TRPC4AP: variants seen among roughly 807,000 people sequenced by gnomAD.
TRPC4AP encodes short transient receptor potential channel 4-associated protein.
Under a neutral mutation model 99.0 loss-of-function variants are expected in TRPC4AP, and 45 were observed. The observed-to-expected ratio is 0.45, with a 90% confidence interval of 0.36 to 0.58. TRPC4AP has a LOEUF of 0.58. TRPC4AP is among the 20% of genes least tolerant of loss of function. The pLI is 0.00. For missense variants in TRPC4AP, 879 were observed against 985.3 expected (o/e 0.89, Z 1.44); for synonymous variants, 408 against 385.8 (o/e 1.06, Z -0.67).
In TRPC4AP at chr20:35,002,980, C is replaced by T; in HGVS notation, c.*166G>A. ...TCTCCATGACCTAGGGCCCTCAGAC[C>T]CAGGGGGACCAAGGGCTTCTAGGAC... On this transcript the variant is annotated 3_prime_UTR_variant, in exon 19 of 19. Coordinates refer to ENST00000252015, the MANE Select transcript of TRPC4AP (RefSeq NM_015638.3). 1.1e-6 allele frequency: 1 copy of T among 935,606 alleles called. No homozygotes were observed. Among genetic ancestry groups the T allele is most frequent in the Non-Finnish European group, 1.6e-6 (1 of 632,964 alleles). 58.0% of individuals were successfully genotyped at this position (935,606 alleles called of 1,614,324 possible). A position where few individuals can be genotyped will look rare whatever the true frequency, so the allele number is the denominator to read the frequency against.
At chr20:35,023,256 G>A (rs2082937730) in intron 8 of TRPC4AP, among the ~76,000 whole-genome samples, 1 of 152,114 alleles carries the variant, frequency 6.6e-6, no homozygotes, top group South Asian at 2.1e-4. Context: ...ACCTCTCTGT[G>A]CTTCAGTATC....
chr20:35,002,558 A>T lies in TRPC4AP; in HGVS notation c.*588T>A. On this transcript the variant is annotated 3_prime_UTR_variant, in exon 19 of 19. Coordinates refer to ENST00000252015, the MANE Select transcript of TRPC4AP (RefSeq NM_015638.3). Reference sequence around the variant, plus strand: ...GCAGGCACAGCTGCCCCGTGCCCCAAGGGATGGAGGGAAAGGCCCCTCACT... The same window carrying T: ...GCAGGCACAGCTGCCCCGTGCCCCATGGGATGGAGGGAAAGGCCCCTCACT... The T allele has an allele frequency of 4.9e-6, 1 of 204,256 alleles. No homozygotes were observed. The allele number at this position is 204,256 out of a possible 1,614,324, so 12.7% of individuals were successfully genotyped here.
At position 35,026,320 on chromosome 20, in the gene TRPC4AP, C is replaced by T. The variant is rs1444228198; in HGVS notation, c.1052-4964G>A. Among the ~76,000 whole-genome samples, 3 of 151,580 alleles carry T rather than the reference C, an allele frequency of 2.0e-5. No individual in the cohort carries two copies. In the East Asian group the frequency reaches 5.8e-4, roughly 29 times the overall value. On this transcript the variant is annotated intron_variant, in intron 8 of 18. Coordinates refer to ENST00000252015, the MANE Select transcript of TRPC4AP (RefSeq NM_015638.3). ...GCCTCAAACTCCTGGGCTCAAGCTA[C>T]CCTCCCACCTCAGCCTCTTGAGTAG... is the stretch of plus-strand genomic sequence containing the variant.
intron 3 of TRPC4AP, among the ~76,000 whole-genome samples, chr20:35,061,796 G>C (rs2084015420): frequency 6.6e-6 from 1 of 152,110 alleles, no homozygotes; most frequent in South Asian, 2.1e-4. Flanking sequence ...CCTTGGATTA[G>C]GAAATGGTTT....
chr20:35,029,105 A>G (rs1421027939), intron 8 of TRPC4AP, among the ~76,000 whole-genome samples: 1 of 152,078 alleles, frequency 6.6e-6, no homozygotes, highest in African/African-American at 2.4e-5. Context: ...CACAAAAATG[A>G]GCTGGGCGTG....
chr20:35,086,019 T>C (rs1195946612), intron 1 of TRPC4AP, among the ~76,000 whole-genome samples: 1 of 151,904 alleles, frequency 6.6e-6, no homozygotes, highest in Non-Finnish European at 1.5e-5. Context: ...GCTCAAGTGA[T>C]CCTCCCACCT....
At chr20:35,005,398 C>T (rs1453726900) in intron 16 of TRPC4AP, among the ~76,000 whole-genome samples, 1 of 152,246 alleles carries the variant, frequency 6.6e-6, no homozygotes, top group Admixed American at 6.5e-5. Context: ...CGATGCCACG[C>T]ACAGCACACT....
intron 3 of TRPC4AP, among the ~76,000 whole-genome samples, chr20:35,065,155 G>C (rs769049479): frequency 2.6e-5 from 4 of 152,188 alleles, no homozygotes; most frequent in Non-Finnish European, 4.4e-5. Context: ...GTGAATAAAA[G>C]TTCCTGAATG....
intron 5 of TRPC4AP, among the ~76,000 whole-genome samples, chr20:35,052,443 T>C (rs2147382710): frequency 6.6e-6 from 1 of 152,242 alleles, no homozygotes; most frequent in Non-Finnish European, 1.5e-5. Context: ...AATGAGGAGC[T>C]ACAAACTAGC....
intron 17 of TRPC4AP, among the ~76,000 whole-genome samples, chr20:35,004,094 GA>G (rs1304579362): frequency 6.6e-6 from 1 of 152,190 alleles, no homozygotes; most frequent in Non-Finnish European, 1.5e-5. Context: ...CCTCACTCTA[GA>G]AAAGAGGGGC....
rs75377266 is a variant in TRPC4AP at position 35,068,980 on chromosome 20, A to C, written c.414+316T>G. ...ACACACACACACACACACACACACA[A>C]AAAAAACAAAACATCTTAAGCAGGA... On this transcript the variant is annotated intron_variant, in intron 3 of 18. Coordinates refer to ENST00000252015, the MANE Select transcript of TRPC4AP (RefSeq NM_015638.3). 0.038 allele frequency among the ~76,000 whole-genome samples: 2,753 copies of C among 71,530 alleles called. 144 individuals carry two copies. In the East Asian group the frequency reaches 0.46, roughly 12 times the overall value. 46.9% of individuals were successfully genotyped at this position (71,530 alleles called of 152,430 possible).
intron 9 of TRPC4AP, among the ~76,000 whole-genome samples, chr20:35,020,292 AC>A (rs1477712251): frequency 6.6e-6 from 1 of 151,896 alleles, no homozygotes; most frequent in Non-Finnish European, 1.5e-5. Context: ...TTCTCACTTC[AC>A]TCAGAGTAAA....
At chr20:35,023,820 C>T (rs1180852111) in intron 8 of TRPC4AP, among the ~76,000 whole-genome samples, 1 of 152,254 alleles carries the variant, frequency 6.6e-6, no homozygotes, top group Admixed American at 6.5e-5. Flanking sequence ...GTGGGGCACA[C>T]AAGTCCTACT....
At chr20:35,033,310 G>A (rs949789774) in intron 8 of TRPC4AP, among the ~76,000 whole-genome samples, 4 of 152,128 alleles carry the variant, frequency 2.6e-5, no homozygotes, top group African/African-American at 4.8e-5. Context: ...GACTATTTTC[G>A]TAAAGTCTCC....
chr20:35,060,577 C>T (rs1446916161), intron 3 of TRPC4AP, among the ~76,000 whole-genome samples: 1 of 102,290 alleles, frequency 9.8e-6, no homozygotes, highest in Non-Finnish European at 1.8e-5. Context: ...ACAGAGAGAC[C>T]TTGTCTCCAA....
intron 11 of TRPC4AP, 104 bp downstream of exon 11, chr20:35,012,904 C>T (rs2082669933): frequency 2.6e-5 from 31 of 1,211,486 alleles, no homozygotes; most frequent in Non-Finnish European, 3.5e-5. Context: ...CTTCCACCAG[C>T]TCCAGGGCCT....
intron 1 of TRPC4AP, among the ~76,000 whole-genome samples, chr20:35,087,321 A>T (rs2084914183): frequency 6.7e-6 from 1 of 148,810 alleles, no homozygotes; most frequent in South Asian, 2.1e-4. Context: ...CCTGGGCAAC[A>T]GAGCGAGACT....
In TRPC4AP at chr20:35,006,418, C is replaced by G. The variant is rs1224927208; in HGVS notation, c.1827+17G>C. 1 of 1,612,992 alleles carries G rather than the reference C, an allele frequency of 6.2e-7. No individual in the cohort carries two copies. Among genetic ancestry groups the G allele is most frequent in the Non-Finnish European group, 8.5e-7 (1 of 1,179,330 alleles). ...GGACAACCCAGCACACTCCACAGAG[C>G]CCTGGGTTAACTTTACCTTTGCATC... On this transcript the variant is annotated intron_variant, in intron 15 of 18. Transcript: ENST00000252015.
At chr20:35,054,883 C>T (rs1338377519) in intron 5 of TRPC4AP, 93 bp downstream of exon 5, 14 of 1,125,838 alleles carry the variant, frequency 1.2e-5, no homozygotes, top group Non-Finnish European at 1.7e-5. Context: ...GAAAGCAGCT[C>T]TTATGTCTGC....
Sources: allele counts gnomAD v4.1 joint callset (sites outside exome capture counted in the v4.1 genomes callset), GRCh38; gene constraint gnomAD v4.1.1; transcripts MANE v1.5; gene names NCBI Gene and HGNC (gene_info 2026-07-23, HGNC 2026-07-21).